The following ARHGEF3 variants were observed in gnomAD, a reference collection of about 807,000 sequenced individuals.
ARHGEF3 encodes the protein 59.8 kDA protein.
ARHGEF3 carries 28 observed loss-of-function variants against 63.2 expected under a neutral mutation model. The ratio of observed to expected loss-of-function variants is 0.44; its 90% CI spans 0.33 to 0.61. ARHGEF3 has a LOEUF of 0.61. Among genes scored for constraint, ARHGEF3 ranks in the 20% least tolerant of loss-of-function variants. The pLI, the probability that ARHGEF3 is intolerant of heterozygous loss-of-function variation, is 0.03. For synonymous variants in ARHGEF3, 266 were observed against 254.2 expected (o/e 1.05, Z -0.44); for missense variants, 533 against 659.3 (o/e 0.81, Z 2.10).
At chr3:57,069,376 A>AACACAC (rs147675971) in intron 1 of ARHGEF3, among the ~76,000 whole-genome samples, 8,953 of 146,378 alleles carry the variant, frequency 0.061, 289 homozygotes, top group African/African-American at 0.094. Flanking sequence ...CTGTCTCTCA[A>AACACAC]ACACACACAC....
At chr3:57,026,985 T>C (rs181249579) in intron 2 of ARHGEF3, among the ~76,000 whole-genome samples, 46 of 152,330 alleles carry the variant, frequency 3.0e-4, no homozygotes, top group Admixed American at 1.3e-3. Flanking sequence ...AATGCATTTT[T>C]TAATGTGATC....
intron 3 of ARHGEF3, among the ~76,000 whole-genome samples, chr3:56,953,105 C>T (rs527920804): frequency 7.0e-4 from 106 of 152,270 alleles, no homozygotes; most frequent in Non-Finnish European, 1.3e-3. Context: ...CTGGGACTGA[C>T]GTTCAGTCAA....
intron 4 of ARHGEF3, among the ~76,000 whole-genome samples, chr3:56,867,391 G>A (rs1356290648): frequency 6.6e-6 from 1 of 152,200 alleles, no homozygotes; most frequent in African/African-American, 2.4e-5. Context: ...GGCAGGTGAT[G>A]ATAAAGGCTA....
chr3:56,818,105 G>C lies in ARHGEF3; in HGVS notation c.193-44289C>G, dbSNP rs2038337344. On this transcript the variant is annotated intron_variant, in intron 4 of 12. Coordinates refer to the ARHGEF3 transcript ENST00000338458. ...CCGAGAGGTTAGGGATAAAAGAGGA[G>C]CCAAAGACATAATGAGCTAACCCTC... Among the ~76,000 whole-genome samples, 3 of 152,328 alleles carry C rather than the reference G, an allele frequency of 2.0e-5. No individual in the cohort carries two copies. In the South Asian group the frequency reaches 6.2e-4, roughly 32 times the overall value.
rs368922829 is a variant in ARHGEF3 at position 56,798,537 on chromosome 3, G to GT, written c.96+3165dup. On this transcript the variant is annotated intron_variant, in intron 1 of 9. Transcript: ENST00000296315. ...GAGCTTGCTTCCTTTTCTTTACTTC[G>GT]TTTTTTTTTTTTTTTTTTTTTAAGC... Among the ~76,000 whole-genome samples the GT allele has an allele frequency of 8.0e-4, 111 of 139,258 alleles. 1 individual carries two copies. Among genetic ancestry groups the GT allele is most frequent in the African/African-American group, 3.0e-3 (107 of 35,700 alleles). The allele number at this position is 139,258 out of a possible 152,430, so 91.4% of individuals were successfully genotyped here. A position where few individuals can be genotyped will look rare whatever the true frequency, so the allele number is the denominator to read the frequency against.
At chr3:56,906,149 A>G (rs147138155) in intron 3 of ARHGEF3, among the ~76,000 whole-genome samples, 1 of 152,046 alleles carries the variant, frequency 6.6e-6, no homozygotes, top group African/African-American at 2.4e-5. Context: ...AGGTGTGAGC[A>G]ACCGCGCCCA....
At chr3:57,048,203 G>A (rs1704538521) in intron 1 of ARHGEF3, among the ~76,000 whole-genome samples, 2 of 152,076 alleles carry the variant, frequency 1.3e-5, no homozygotes, top group African/African-American at 4.8e-5. Flanking sequence ...CAGGATTCCA[G>A]ACCACAATCC....
chr3:56,731,198 G>A (rs1299296032), intron 9 of ARHGEF3, among the ~76,000 whole-genome samples: 3 of 152,160 alleles, frequency 2.0e-5, no homozygotes, highest in Non-Finnish European at 4.4e-5. Flanking sequence ...AACCCAGGAA[G>A]CTCAAACGTT....
chr3:56,783,565 A>AT (rs1173598331), intron 1 of ARHGEF3, among the ~76,000 whole-genome samples: 1 of 152,174 alleles, frequency 6.6e-6, no homozygotes, highest in Admixed American at 6.5e-5. Context: ...CCATGGGGAA[A>AT]TTCATTTTTG....
intron 8 of ARHGEF3, among the ~76,000 whole-genome samples, chr3:56,735,749 A>G (rs2033574192): frequency 6.6e-6 from 1 of 152,178 alleles, no homozygotes; most frequent in African/African-American, 2.4e-5. Flanking sequence ...CTCTAGTCCC[A>G]CAGACACACG....
At chr3:56,947,817 G>A (rs1031818459) in intron 3 of ARHGEF3, among the ~76,000 whole-genome samples, 18 of 152,262 alleles carry the variant, frequency 1.2e-4, no homozygotes, top group Non-Finnish European at 2.1e-4. Context: ...CAAATCAACA[G>A]AATATACATT....
intron 2 of ARHGEF3, among the ~76,000 whole-genome samples, chr3:56,761,515 A>C (rs1450546145): frequency 3.3e-5 from 5 of 152,044 alleles, no homozygotes; most frequent in Admixed American, 6.5e-5. Flanking sequence ...TCCTTCCAAT[A>C]GAAGGTAAAC....
intron 2 of ARHGEF3, among the ~76,000 whole-genome samples, chr3:56,967,607 A>G (rs1700607806): frequency 2.2e-5 from 2 of 89,710 alleles, no homozygotes; most frequent in South Asian, 7.1e-4. Context: ...TATATTATAT[A>G]TGTTACATAA....
intron 2 of ARHGEF3, among the ~76,000 whole-genome samples, chr3:57,015,311 T>A (rs2107132596): frequency 6.6e-6 from 1 of 152,296 alleles, no homozygotes; most frequent in East Asian, 1.9e-4. Context: ...TGTCTCTACT[T>A]GTTTTGCTAC....
intron 2 of ARHGEF3, among the ~76,000 whole-genome samples, chr3:57,027,922 G>A (rs1703542705): frequency 6.6e-6 from 1 of 152,140 alleles, no homozygotes; most frequent in African/African-American, 2.4e-5. Context: ...CATTGGAGCA[G>A]GTACTTTAGA....
At chr3:56,949,298 G>A (rs1280645486) in intron 3 of ARHGEF3, among the ~76,000 whole-genome samples, 4 of 152,006 alleles carry the variant, frequency 2.6e-5, no homozygotes, top group South Asian at 4.1e-4. Context: ...GGCAGGAGAA[G>A]GAAATAAAGG....
chr3:56,897,639 C>A (rs1044034443), intron 3 of ARHGEF3, among the ~76,000 whole-genome samples: 4 of 151,102 alleles, frequency 2.6e-5, no homozygotes, highest in Non-Finnish European at 5.9e-5. Flanking sequence ...CGGCTCACTG[C>A]AACCTTCACC....
intron 2 of ARHGEF3, among the ~76,000 whole-genome samples, chr3:57,013,872 G>A (rs1471361510): frequency 1.3e-5 from 2 of 152,240 alleles, no homozygotes; most frequent in African/African-American, 4.8e-5. Context: ...TCAGCAGGAT[G>A]TGGGTGGGGC....
At position 56,875,150 on chromosome 3, in the gene ARHGEF3, T is replaced by G. The variant is rs2040543876; in HGVS notation, c.192+7142A>C. Among the ~76,000 whole-genome samples, 3 of 152,100 alleles carry G rather than the reference T, an allele frequency of 2.0e-5. No homozygotes were observed. In the South Asian group the frequency reaches 6.2e-4, roughly 32 times the overall value. ...TCCGTTTGCCTCATCTCTAAAGGGG[T>G]AATATGAGGATTAAATAATAAAATG... On this transcript the variant is annotated intron_variant, in intron 4 of 12. Coordinates refer to the ARHGEF3 transcript ENST00000338458.
Sources: allele counts gnomAD v4.1 joint callset (sites outside exome capture counted in the v4.1 genomes callset), GRCh38; gene constraint gnomAD v4.1.1; transcripts MANE v1.5; gene names NCBI Gene and HGNC (gene_info 2026-07-23, HGNC 2026-07-21).